The following PSG2 variants were observed in gnomAD, a reference collection of about 807,000 sequenced individuals.
PSG2 encodes the protein pregnancy specific beta-1-glycoprotein 2.
In PSG2, 49 loss-of-function variants were observed where a neutral mutation model predicts 36.2. The observed-to-expected ratio is 1.35, with a 90% CI of 1.08 to 1.72. The LOEUF (loss-of-function observed/expected upper bound fraction) is 1.72. Among genes scored for constraint, PSG2 ranks in the 40% most tolerant of loss-of-function variants. The probability of loss-of-function intolerance (pLI) is 0.00; values close to 1 mark genes in which losing one functional copy is unlikely to be tolerated. For missense variants in PSG2, 605 were observed against 407.2 expected (o/e 1.49, Z -4.18); for synonymous variants, 261 against 155.6 (o/e 1.68, Z -5.04).
chr19:43,064,578 G>T lies in PSG2; in HGVS notation c.*64C>A, dbSNP rs777619140. The T allele has an allele frequency of 1.5e-5, 10 of 674,604 alleles. No homozygotes were observed. The highest frequency in any genetic ancestry group is 2.4e-4 in the Middle Eastern group (1 of 4,168). 41.8% of individuals were successfully genotyped at this position (674,604 alleles called of 1,614,324 possible). ...CAGGAGCTTGTATTCAAGAGTCCTTGTAAGAGACCTTTCCATAAATCTCCT... is the reference window on the plus strand; with the variant it reads ...CAGGAGCTTGTATTCAAGAGTCCTTTTAAGAGACCTTTCCATAAATCTCCT... On this transcript the variant is annotated 3_prime_UTR_variant, in exon 6 of 6. Transcript: ENST00000406487.
intron 5 of PSG2, among the ~76,000 whole-genome samples, chr19:43,065,009 G>C (rs931825619): frequency 1.1e-4 from 17 of 151,492 alleles, no homozygotes; most frequent in African/African-American, 4.1e-4. Flanking sequence ...TTTTGTTTTT[G>C]CATTTTTAGT....
intron 4 of PSG2, among the ~76,000 whole-genome samples, chr19:43,066,889 C>A (rs1016786428): frequency 6.6e-6 from 1 of 151,182 alleles, no homozygotes; most frequent in African/African-American, 2.4e-5. Context: ...GTCATTAGAA[C>A]TTGCCACATT....
chr19:43,076,213 A>G (rs1599709257), intron 2 of PSG2, among the ~76,000 whole-genome samples: 3 of 151,790 alleles, frequency 2.0e-5, no homozygotes, highest in Admixed American at 2.0e-4. Flanking sequence ...TGGAGCCACA[A>G]GGTGGGGCAG....
intron 3 of PSG2, chr19:43,072,557 G>A: frequency 1.9e-6 from 3 of 1,611,268 alleles, no homozygotes; most frequent in East Asian, 2.2e-5. Context: ...AGGTTCACAG[G>A]TGAAGGCTAA....
chr19:43,078,833 T>A (rs1321488385), intron 2 of PSG2, among the ~76,000 whole-genome samples: 2 of 151,484 alleles, frequency 1.3e-5, no homozygotes, highest in African/African-American at 4.9e-5. Context: ...TGTCTGACAA[T>A]GATAAGAGTG....
chr19:43,068,886 TA>T (rs1266141190), intron 4 of PSG2, among the ~76,000 whole-genome samples: 2 of 151,226 alleles, frequency 1.3e-5, no homozygotes, highest in African/African-American at 4.9e-5. Flanking sequence ...GGCAAGAATT[TA>T]AAAAAAGACA....
In PSG2 at chr19:43,066,554, C is replaced by A. The variant is rs757571323; in HGVS notation, c.*3G>T. ...CTGAAATACAGAAATGACATCACAG[C>A]TGCTATGTTGGATTAAGGAGAGGAA... On this transcript the variant is annotated 3_prime_UTR_variant, in exon 5 of 6. Transcript: ENST00000406487. 1.3e-6 allele frequency: 2 copies of A among 1,595,362 alleles called. No homozygotes were observed. Among genetic ancestry groups the A allele is most frequent in the East Asian group, 4.5e-5 (2 of 44,784 alleles).
intron 2 of PSG2, among the ~76,000 whole-genome samples, chr19:43,076,698 G>T (rs1009892461): frequency 2.6e-5 from 4 of 151,638 alleles, no homozygotes; most frequent in South Asian, 2.1e-4. Context: ...TTGTTCTGTG[G>T]GTGTGCGGTT....
chr19:43,072,060 A>G, intron 3 of PSG2, 106 bp from the exon 4 acceptor site: 1 of 1,475,908 alleles, frequency 6.8e-7, no homozygotes, highest in Non-Finnish European at 9.2e-7. Flanking sequence ...CACATCCTCA[A>G]GTCCCAGCAA....
At chr19:43,077,558 A>T (rs1318270594) in intron 2 of PSG2, among the ~76,000 whole-genome samples, 3 of 151,674 alleles carry the variant, frequency 2.0e-5, no homozygotes, top group Non-Finnish European at 4.4e-5. Context: ...GTGTCTCCCC[A>T]CAAGAAGAAC....
chr19:43,066,727 G>T, intron 4 of PSG2, 127 bp from the exon 5 acceptor site: 4 of 1,358,154 alleles, frequency 2.9e-6, no homozygotes, highest in African/African-American at 1.5e-5. Context: ...TATTTCTCTT[G>T]GAATATTGAT....
At chr19:43,070,333 C>T (rs1167070152) in intron 4 of PSG2, among the ~76,000 whole-genome samples, 3 of 151,674 alleles carry the variant, frequency 2.0e-5, no homozygotes, top group Admixed American at 6.6e-5. Flanking sequence ...TTTGATCCAG[C>T]AATTCCACTT....
At chr19:43,065,096 A>G (rs1427928584) in intron 5 of PSG2, among the ~76,000 whole-genome samples, 1 of 151,834 alleles carries the variant, frequency 6.6e-6, no homozygotes, top group East Asian at 1.9e-4. Context: ...CGGCCTCCCA[A>G]ACTCCTGGGA....
At position 43,078,463 on chromosome 19, in the gene PSG2, T is replaced by G. The variant is rs150654417; in HGVS notation, c.430+2418A>C. Among the ~76,000 whole-genome samples, 790 of 151,872 alleles carry G rather than the reference T, an allele frequency of 5.2e-3. 27 individuals are homozygous for G. The highest frequency in any genetic ancestry group is 0.018 in the African/African-American group (743 of 41,222). On this transcript the variant is annotated intron_variant, in intron 2 of 5. Coordinates refer to ENST00000406487, the MANE Select transcript of PSG2 (RefSeq NM_031246.4). The stretch of plus-strand genomic sequence containing the variant: ...TATTATAGAAGTTGAGATTGGTCTT[T>G]TGAGATGTTTCTCATTCTTTTGCAT...
chr19:43,068,458 A>C (rs1967772134), intron 4 of PSG2, among the ~76,000 whole-genome samples: 3 of 140,264 alleles, frequency 2.1e-5, no homozygotes, highest in South Asian at 2.1e-4. Context: ...TTTTCAACAA[A>C]AAAAAAAAAA....
intron 2 of PSG2, among the ~76,000 whole-genome samples, chr19:43,079,760 C>T (rs1332451933): frequency 2.0e-5 from 3 of 151,722 alleles, no homozygotes; most frequent in South Asian, 2.1e-4. Flanking sequence ...ACCATTTGCT[C>T]TCACTCCTCT....
At position 43,081,179 on chromosome 19, in the gene PSG2, T is replaced by C. The variant is rs1424294517; in HGVS notation, c.132A>G (p.Lys44=). 1 of 1,612,708 alleles carries C rather than the reference T, an allele frequency of 6.2e-7. No individual in the cohort carries two copies. Among genetic ancestry groups the C allele is most frequent in the Admixed American group, 1.7e-5 (1 of 59,906 alleles). The part of the protein sequence containing the change: ...AQVTIEAQPP[K]VSEGKDVLLL... ...GAAGAACATCCTTCCCCTCGGAAAC[T>C]TTTGGTGGCTGGGCTTCAATCGTGA... The change falls in exon 2 of 6, where the codon AAA becomes AAG. Residue 44 remains lysine (K), a synonymous_variant. Coordinates refer to ENST00000406487, the MANE Select transcript of PSG2 (RefSeq NM_031246.4).
At chr19:43,074,547 C>T (rs1967864416) in intron 3 of PSG2, among the ~76,000 whole-genome samples, 1 of 151,616 alleles carries the variant, frequency 6.6e-6, no homozygotes, top group Admixed American at 6.6e-5. Flanking sequence ...AGTGAGGGGA[C>T]AGGCAAAAGC....
intron 5 of PSG2, chr19:43,065,691 A>G (rs539754957): frequency 2.6e-5 from 4 of 151,532 alleles, no homozygotes; most frequent in African/African-American, 9.8e-5. Context: ...TGGGGTAGGG[A>G]CCTTGCCTTC....
Sources: gnomAD v4.1 joint callset for allele counts (sites outside exome capture counted in the v4.1 genomes callset) on GRCh38, gnomAD v4.1.1 for gene constraint, MANE v1.5 for transcripts, NCBI Gene and HGNC (gene_info 2026-07-23, HGNC 2026-07-21) for gene names.